The following NFIB variants were observed in gnomAD, a reference collection of about 807,000 sequenced individuals.
NFIB encodes nuclear factor 1 B-type.
NFIB carries 11 observed loss-of-function variants against 61.5 expected under a neutral mutation model. The ratio of observed to expected loss-of-function variants is 0.18; its 90% CI spans 0.11 to 0.30. The LOEUF (loss-of-function observed/expected upper bound fraction) is 0.30. Ranked by LOEUF, NFIB falls within the 10% of genes least tolerant of loss-of-function variation. NFIB has a pLI of 1.00. For synonymous variants in NFIB, 260 were observed against 216.5 expected (o/e 1.20, Z -1.76); for missense variants, 471 against 608.9 (o/e 0.77, Z 2.38).
chr9:14,351,491 C>T (rs532777075), intron 1 of NFIB, among the ~76,000 whole-genome samples: 26 of 152,314 alleles, frequency 1.7e-4, no homozygotes, highest in African/African-American at 6.0e-4. Flanking sequence ...AGGAAATGAT[C>T]GTGGTGCCAA....
chr9:14,389,874 T>G (rs1415468765), intron 1 of NFIB, among the ~76,000 whole-genome samples: 1 of 152,224 alleles, frequency 6.6e-6, no homozygotes, highest in Non-Finnish European at 1.5e-5. Context: ...TGATATAGAA[T>G]CAAAGAAATG....
the NFIB span, among the ~76,000 whole-genome samples, chr9:14,514,149 T>C: frequency 1.6e-4 from 25 of 152,324 alleles, no homozygotes; most frequent in African/African-American, 5.8e-4. Context: ...TATTGAGCAT[T>C]GTTTGACATT....
intron 1 of NFIB, among the ~76,000 whole-genome samples, chr9:14,328,660 T>A (rs2060784583): frequency 6.6e-6 from 1 of 152,030 alleles, no homozygotes; most frequent in African/African-American, 2.4e-5. Flanking sequence ...ATAGTTATAA[T>A]CTTAAAATGA....
intron 2 of NFIB, among the ~76,000 whole-genome samples, chr9:14,189,348 T>C (rs1237469134): frequency 6.6e-6 from 1 of 152,242 alleles, no homozygotes; most frequent in African/African-American, 2.4e-5. Context: ...ATCCGGCAAC[T>C]GCCAAGCACT....
At chr9:14,353,328 C>T (rs1051260713) in intron 1 of NFIB, among the ~76,000 whole-genome samples, 12 of 152,102 alleles carry the variant, frequency 7.9e-5, no homozygotes, top group Admixed American at 7.2e-4. Context: ...TGGTCCTGTT[C>T]TATAGGGTTC....
chr9:14,390,025 A>ACAAAT (rs2061601593), intron 1 of NFIB, among the ~76,000 whole-genome samples: 1 of 152,236 alleles, frequency 6.6e-6, no homozygotes. Flanking sequence ...TACTAACTAA[A>ACAAAT]GTGCCATTGT....
chr9:14,503,112 GTA>G, the NFIB span, among the ~76,000 whole-genome samples: 8 of 147,202 alleles, frequency 5.4e-5, no homozygotes, highest in Admixed American at 4.8e-4. Context: ...ATATATGTGT[GTA>G]TGTGTGTGTA....
the NFIB span, among the ~76,000 whole-genome samples, chr9:14,447,552 C>T: frequency 6.6e-6 from 1 of 152,092 alleles, no homozygotes; most frequent in Admixed American, 6.5e-5. Context: ...GCTATAAGTT[C>T]TCAGTAGTGA....
intron 3 of NFIB, among the ~76,000 whole-genome samples, chr9:14,167,405 C>T (rs1483467915): frequency 3.3e-5 from 5 of 151,966 alleles, no homozygotes; most frequent in Non-Finnish European, 5.9e-5. Context: ...TGGTGGTACG[C>T]GCCTCTAGTG....
At chr9:14,256,550 T>C (rs984284205) in intron 2 of NFIB, among the ~76,000 whole-genome samples, 6 of 152,080 alleles carry the variant, frequency 3.9e-5, no homozygotes, top group Non-Finnish European at 7.4e-5. Context: ...AGGAGTGAAA[T>C]ATAATATTCA....
At chr9:14,474,368 C>T in the NFIB span, among the ~76,000 whole-genome samples, 8 of 152,168 alleles carry the variant, frequency 5.3e-5, no homozygotes, top group Non-Finnish European at 8.8e-5. Flanking sequence ...CCATTCATGA[C>T]GGTTTCATCC....
chr9:14,136,850 C>A (rs572852481), intron 6 of NFIB, among the ~76,000 whole-genome samples: 9 of 152,216 alleles, frequency 5.9e-5, no homozygotes, highest in African/African-American at 1.9e-4. Context: ...GATTACTCTG[C>A]ACAATATTCT....
the NFIB span, among the ~76,000 whole-genome samples, chr9:14,522,335 T>G: frequency 1.3e-5 from 2 of 152,202 alleles, no homozygotes; most frequent in Non-Finnish European, 2.9e-5. Flanking sequence ...TACGTAAACA[T>G]GTGGTTTGTA....
chr9:14,228,398 G>C (rs906953302), intron 2 of NFIB, among the ~76,000 whole-genome samples: 1 of 151,870 alleles, frequency 6.6e-6, no homozygotes, highest in African/African-American at 2.4e-5. Flanking sequence ...GTTTCACCAC[G>C]TTGGCCAGGC....
chr9:14,493,873 ATTAT>A, the NFIB span, among the ~76,000 whole-genome samples: 1 of 152,142 alleles, frequency 6.6e-6, no homozygotes, highest in East Asian at 1.9e-4. Flanking sequence ...CAAAACAATT[ATTAT>A]TTATTTCTCA....
the NFIB span, among the ~76,000 whole-genome samples, chr9:14,522,868 C>A: frequency 1.8e-4 from 28 of 152,310 alleles, no homozygotes; most frequent in Non-Finnish European, 7.4e-5. Context: ...CTCTTTCCCT[C>A]CTCCTTCAAA....
chr9:14,385,839 G>A (rs561804721), intron 1 of NFIB, among the ~76,000 whole-genome samples: 3 of 150,496 alleles, frequency 2.0e-5, no homozygotes, highest in African/African-American at 4.9e-5. Context: ...CTGGAGTGCA[G>A]TGGTGCAATC....
chr9:14,197,130 T>G (rs911855942), intron 2 of NFIB, among the ~76,000 whole-genome samples: 2 of 152,212 alleles, frequency 1.3e-5, no homozygotes, highest in Non-Finnish European at 1.5e-5. Flanking sequence ...CCGAAATAGG[T>G]TGTGCTTTAT....
intron 2 of NFIB, among the ~76,000 whole-genome samples, chr9:14,225,805 T>C (rs1172107090): frequency 1.3e-5 from 2 of 152,150 alleles, no homozygotes; most frequent in African/African-American, 2.4e-5. Flanking sequence ...CAGAACAAAA[T>C]ATTTAAAGAT....
Sources: gnomAD v4.1 joint callset for allele counts (sites outside exome capture counted in the v4.1 genomes callset) on GRCh38, gnomAD v4.1.1 for gene constraint, MANE v1.5 for transcripts, NCBI Gene and HGNC (gene_info 2026-07-23, HGNC 2026-07-21) for gene names.